The following SHISA9 variants were observed in gnomAD, a reference collection of about 807,000 sequenced individuals.
SHISA9 encodes protein shisa-9.
A neutral mutation model predicts 38.0 loss-of-function variants in SHISA9; 13 were observed. That is an observed-to-expected ratio of 0.34 (90% CI 0.22 to 0.54). The LOEUF (loss-of-function observed/expected upper bound fraction) is 0.54. Among genes scored for constraint, SHISA9 ranks in the 20% least tolerant of loss-of-function variants. The probability of loss-of-function intolerance (pLI) is 0.91; values close to 1 mark genes in which losing one functional copy is unlikely to be tolerated. For missense variants in SHISA9, 538 were observed against 575.8 expected (o/e 0.93, Z 0.67); for synonymous variants, 275 against 242.0 (o/e 1.14, Z -1.27).
At chr16:13,252,315 T>C in the SHISA9 span, among the ~76,000 whole-genome samples, 1 of 152,186 alleles carries the variant, frequency 6.6e-6, no homozygotes, top group Non-Finnish European at 1.5e-5. Context: ...CCAGGGGACA[T>C]TTGGCAATAA....
the SHISA9 span, among the ~76,000 whole-genome samples, chr16:13,418,715 C>G: frequency 6.6e-6 from 1 of 152,184 alleles, no homozygotes; most frequent in Non-Finnish European, 1.5e-5. Flanking sequence ...TTTTATTCAC[C>G]TCCTGCATGA....
intron 2 of SHISA9, among the ~76,000 whole-genome samples, chr16:12,955,106 A>C (rs2071811585): frequency 6.6e-6 from 1 of 151,514 alleles, no homozygotes; most frequent in African/African-American, 2.4e-5. Flanking sequence ...TCTCCCTGAG[A>C]GTTTTGTAAG....
At chr16:13,189,103 C>A (rs1476645976) in intron 2 of SHISA9, among the ~76,000 whole-genome samples, 4 of 152,184 alleles carry the variant, frequency 2.6e-5, no homozygotes, top group Non-Finnish European at 5.9e-5. Flanking sequence ...CTGCTAATAC[C>A]ATGACCTCAG....
chr16:13,507,866 G>A, the SHISA9 span, among the ~76,000 whole-genome samples: 192 of 152,296 alleles, frequency 1.3e-3, no homozygotes, highest in African/African-American at 4.4e-3. Context: ...AGCTCAAAAA[G>A]AAGTTATTTT....
At chr16:13,172,620 C>T (rs987865479) in intron 2 of SHISA9, among the ~76,000 whole-genome samples, 5 of 152,048 alleles carry the variant, frequency 3.3e-5, no homozygotes, top group Non-Finnish European at 7.4e-5. Context: ...TTCGTGCTGG[C>T]AAGAAGAGCC....
chr16:13,448,596 T>C, the SHISA9 span, among the ~76,000 whole-genome samples: 1 of 152,238 alleles, frequency 6.6e-6, no homozygotes, highest in Non-Finnish European at 1.5e-5. Context: ...GCCTACATGT[T>C]CCTGATATGT....
intron 2 of SHISA9, among the ~76,000 whole-genome samples, chr16:13,055,377 A>C (rs756274163): frequency 8.5e-5 from 13 of 152,094 alleles, no homozygotes; most frequent in Non-Finnish European, 1.5e-4. Context: ...TGACTATGTT[A>C]ATTTTTGCTT....
At chr16:13,284,688 C>G in the SHISA9 span, among the ~76,000 whole-genome samples, 1 of 152,188 alleles carries the variant, frequency 6.6e-6, no homozygotes, top group Non-Finnish European at 1.5e-5. Flanking sequence ...GCCTCCGCCT[C>G]CTGGGTTCAA....
intron 2 of SHISA9, among the ~76,000 whole-genome samples, chr16:13,178,521 A>G (rs1183755763): frequency 6.6e-6 from 1 of 152,072 alleles, no homozygotes; most frequent in Non-Finnish European, 1.5e-5. Flanking sequence ...CGACTGACAG[A>G]TGAGCCTCAT....
the SHISA9 span, among the ~76,000 whole-genome samples, chr16:13,376,716 C>T: frequency 6.6e-6 from 1 of 152,056 alleles, no homozygotes; most frequent in Non-Finnish European, 1.5e-5. Flanking sequence ...TTTTTGGAGA[C>T]AGGGTCTCAC....
At chr16:13,520,000 G>A in the SHISA9 span, among the ~76,000 whole-genome samples, 2 of 152,052 alleles carry the variant, frequency 1.3e-5, no homozygotes, top group Non-Finnish European at 2.9e-5. Context: ...AAGCTCTCTT[G>A]TCTCAGTCCA....
At chr16:12,965,626 G>A (rs547421661) in intron 2 of SHISA9, among the ~76,000 whole-genome samples, 1 of 152,294 alleles carries the variant, frequency 6.6e-6, no homozygotes, top group Admixed American at 6.5e-5. Context: ...GCTTTTTCAG[G>A]GAGAGACAAT....
At chr16:13,198,378 G>T (rs2050970687) in intron 2 of SHISA9, among the ~76,000 whole-genome samples, 2 of 151,890 alleles carry the variant, frequency 1.3e-5, no homozygotes, top group Non-Finnish European at 2.9e-5. Flanking sequence ...ATGTACATAT[G>T]CATACATATA....
chr16:13,113,233 A>AT (rs909289921), intron 2 of SHISA9, among the ~76,000 whole-genome samples: 1 of 149,080 alleles, frequency 6.7e-6, no homozygotes, highest in African/African-American at 2.5e-5. Context: ...AAAAAAAAAA[A>AT]TTGAGAACAT....
chr16:12,962,825 C>T (rs537368844), intron 2 of SHISA9, among the ~76,000 whole-genome samples: 1 of 152,238 alleles, frequency 6.6e-6, no homozygotes, highest in Non-Finnish European at 1.5e-5. Flanking sequence ...TGGAAAGTTA[C>T]ATCCCCCTTC....
the SHISA9 span, among the ~76,000 whole-genome samples, chr16:13,516,106 A>T: frequency 3.3e-5 from 5 of 152,224 alleles, no homozygotes; most frequent in African/African-American, 1.2e-4. Flanking sequence ...CTGCATGGAG[A>T]CATCCCCTTC....
At chr16:13,406,929 G>A in the SHISA9 span, among the ~76,000 whole-genome samples, 1 of 151,978 alleles carries the variant, frequency 6.6e-6, no homozygotes, top group Admixed American at 6.6e-5. Context: ...TTAGCTGGGT[G>A]TGGTGGCGCG....
intron 1 of SHISA9, among the ~76,000 whole-genome samples, chr16:12,915,248 G>A (rs2071238917): frequency 6.6e-6 from 1 of 152,150 alleles, no homozygotes; most frequent in African/African-American, 2.4e-5. Context: ...ATCTCTTGAG[G>A]CCAGGAGTTT....
chr16:13,298,706 A>C, the SHISA9 span, among the ~76,000 whole-genome samples: 6 of 152,170 alleles, frequency 3.9e-5, no homozygotes, highest in African/African-American at 1.4e-4. Flanking sequence ...CGCCCTGTCA[A>C]AGCCGTACTT....
Sources: gnomAD v4.1 joint callset for allele counts (sites outside exome capture counted in the v4.1 genomes callset) on GRCh38, gnomAD v4.1.1 for gene constraint, MANE v1.5 for transcripts, NCBI Gene and HGNC (gene_info 2026-07-23, HGNC 2026-07-21) for gene names.